Variants in SDHC observed in about 807,000 individuals in gnomAD.
The protein encoded by SDHC is succinate dehydrogenase complex subunit C, also known as succinate dehydrogenase cytochrome b560 subunit, mitochondrial.
A neutral mutation model predicts 22.6 loss-of-function variants in SDHC; 11 were observed. That is an observed-to-expected ratio of 0.49 (90% confidence interval 0.31 to 0.81). The LOEUF (loss-of-function observed/expected upper bound fraction) is 0.81. Ranked by LOEUF, SDHC falls within the 30% of genes least tolerant of loss-of-function variation. The probability of loss-of-function intolerance (pLI) is 0.05; values close to 1 mark genes in which losing one functional copy is unlikely to be tolerated. For missense variants in SDHC, 160 were observed against 212.0 expected (o/e 0.75, Z 1.52); for synonymous variants, 80 against 77.8 (o/e 1.03, Z -0.15).
chr1:161,346,719 A>C (rs1334044519), intron 4 of SDHC, among the ~76,000 whole-genome samples: 2 of 151,376 alleles, frequency 1.3e-5, no homozygotes, highest in African/African-American at 2.4e-5. Flanking sequence ...TTAATAAGAG[A>C]TATGAGACCC....
chr1:161,335,812 C>CATACATAT (rs577280271), intron 3 of SDHC, among the ~76,000 whole-genome samples: 2 of 150,546 alleles, frequency 1.3e-5, no homozygotes, highest in Non-Finnish European at 2.9e-5. Flanking sequence ...ATACATCATA[C>CATACATAT]ATACATATAT....
intron 2 of SDHC, among the ~76,000 whole-genome samples, chr1:161,328,009 T>A (rs1364865135): frequency 1.4e-5 from 2 of 146,878 alleles, no homozygotes; most frequent in Admixed American, 6.8e-5. Context: ...TACTGCAAAT[T>A]TTTTTTTTTT....
intron 3 of SDHC, among the ~76,000 whole-genome samples, chr1:161,339,787 T>TTTCCTGCC (rs1671654698): frequency 6.7e-6 from 1 of 150,066 alleles, no homozygotes; most frequent in Non-Finnish European, 1.5e-5. Flanking sequence ...TTCAAGCAAT[T>TTTCCTGCC]TTCCTGCCTC....
rs553764920 is a variant in SDHC, at chr1:161,330,203, A to G, written c.179+1706A>G. ...GCGGTGGCCCCAAAAGTTTCAACCTACTGTAGCCTCATCTCAAAGTCTTAA... is the reference window on the plus strand; with the variant it reads ...GCGGTGGCCCCAAAAGTTTCAACCTGCTGTAGCCTCATCTCAAAGTCTTAA... On this transcript the variant is annotated intron_variant, in intron 3 of 5. Transcript: ENST00000367975. Among the ~76,000 whole-genome samples, 5 of 152,308 alleles carry G rather than the reference A, an allele frequency of 3.3e-5. No individual in the cohort carries two copies. The South Asian group carries it at 1.0e-3, about 32-fold the overall frequency.
chr1:161,358,925 C>G (rs1432891503), intron 5 of SDHC, among the ~76,000 whole-genome samples: 1 of 112,740 alleles, frequency 8.9e-6, no homozygotes, highest in Non-Finnish European at 1.9e-5. Flanking sequence ...AGCGAAATTC[C>G]GTCTCAAAAA....
chr1:161,353,142 T>C (rs1209819955), intron 4 of SDHC, among the ~76,000 whole-genome samples: 1 of 152,196 alleles, frequency 6.6e-6, no homozygotes, highest in Non-Finnish European at 1.5e-5. Context: ...GAAGACACTG[T>C]TATTCACATC....
intron 3 of SDHC, among the ~76,000 whole-genome samples, chr1:161,334,639 A>G (rs1671402905): frequency 6.6e-6 from 1 of 151,960 alleles, no homozygotes; most frequent in South Asian, 2.1e-4. Flanking sequence ...GAGTTTGGCC[A>G]TGTTGCTCAA....
At chr1:161,360,770 A>G (rs912610938) in intron 5 of SDHC, among the ~76,000 whole-genome samples, 1 of 152,076 alleles carries the variant, frequency 6.6e-6, no homozygotes, top group Non-Finnish European at 1.5e-5. Flanking sequence ...GTAGAAAACC[A>G]ATTTAGTGGC....
At chr1:161,330,647 C>T (rs1045130291) in intron 3 of SDHC, among the ~76,000 whole-genome samples, 2 of 152,074 alleles carry the variant, frequency 1.3e-5, no homozygotes, top group African/African-American at 4.8e-5. Context: ...TTCTTTTCAT[C>T]TTCTCTCTGT....
At chr1:161,341,062 C>T (rs1257236464) in intron 4 of SDHC, among the ~76,000 whole-genome samples, 1 of 152,138 alleles carries the variant, frequency 6.6e-6, no homozygotes, top group African/African-American at 2.4e-5. Flanking sequence ...CCAGGATGGT[C>T]TTGATCTGAC....
In SDHC at chr1:161,356,732, T is replaced by C. The variant is rs2102370693; in HGVS notation, c.297T>C (p.Tyr99=). The stretch of plus-strand genomic sequence containing the variant: ...TACTCCCTGGGAACTTTGAGTCTTA[T>C]TTGGAACTTGTGAAGTCCCTGTGTC... The part of the protein sequence containing the change: ...ALLLPGNFES[Y]LELVKSLCLG... The change falls in exon 5 of 6, where the codon TAT becomes TAC. Residue 99 remains tyrosine, a synonymous_variant. Coordinates refer to ENST00000367975, the MANE Select transcript of SDHC (RefSeq NM_003001.5). The C allele has an allele frequency of 6.2e-7, 1 of 1,614,056 alleles. No homozygotes were observed. Among genetic ancestry groups the C allele is most frequent in the South Asian group, 1.1e-5 (1 of 91,064 alleles).
intron 2 of SDHC, among the ~76,000 whole-genome samples, chr1:161,324,508 G>A (rs199905707): frequency 3.3e-5 from 5 of 152,120 alleles, no homozygotes; most frequent in Admixed American, 2.6e-4. Flanking sequence ...AAAGTTATAC[G>A]AATAGTAGGA....
At chr1:161,351,765 T>C (rs1672105973) in intron 4 of SDHC, among the ~76,000 whole-genome samples, 1 of 152,212 alleles carries the variant, frequency 6.6e-6, no homozygotes, top group African/African-American at 2.4e-5. Context: ...ATGATGAGAT[T>C]AGTGTGACAA....
At chr1:161,340,997 C>A (rs1671700715) in intron 4 of SDHC, among the ~76,000 whole-genome samples, 1 of 152,156 alleles carries the variant, frequency 6.6e-6, no homozygotes, top group South Asian at 2.1e-4. Flanking sequence ...GCATGTGCCA[C>A]CACGCCTGGC....
intron 3 of SDHC, among the ~76,000 whole-genome samples, chr1:161,340,077 A>C (rs943136049): frequency 1.3e-5 from 2 of 152,142 alleles, no homozygotes; most frequent in Admixed American, 1.3e-4. Flanking sequence ...TGGGCGGATC[A>C]TGAGATCAGA....
chr1:161,343,788 A>G (rs965422439), intron 4 of SDHC, among the ~76,000 whole-genome samples: 3 of 152,190 alleles, frequency 2.0e-5, no homozygotes, highest in African/African-American at 7.2e-5. Context: ...ATTAGGCTGT[A>G]GTTTCCCTTA....
intron 3 of SDHC, among the ~76,000 whole-genome samples, chr1:161,333,478 C>G (rs779755141): frequency 6.6e-5 from 10 of 150,450 alleles, no homozygotes; most frequent in Non-Finnish European, 1.5e-4. Flanking sequence ...AGTCTCAGCT[C>G]ATTGCAACCT....
At chr1:161,341,312 A>G (rs1456156480) in intron 4 of SDHC, among the ~76,000 whole-genome samples, 2 of 152,220 alleles carry the variant, frequency 1.3e-5, no homozygotes, top group Non-Finnish European at 2.9e-5. Context: ...ACCCATTCTT[A>G]TCACCTAGAC....
chr1:161,323,428 T>C (rs1670913998), intron 1 of SDHC, among the ~76,000 whole-genome samples, 186 bp from the exon 2 acceptor site: 1 of 152,240 alleles, frequency 6.6e-6, no homozygotes, highest in African/African-American at 2.4e-5. Context: ...AGGTAATATT[T>C]CTTATTATTT....
Sources: gnomAD v4.1 joint callset for allele counts (sites outside exome capture counted in the v4.1 genomes callset) on GRCh38, gnomAD v4.1.1 for gene constraint, MANE v1.5 for transcripts, NCBI Gene and HGNC (gene_info 2026-07-23, HGNC 2026-07-21) for gene names.